Variants in KHDRBS2 observed in about 807,000 individuals in gnomAD.
The protein encoded by KHDRBS2 is KH RNA binding domain containing, signal transduction associated 2, also known as KH domain-containing, RNA-binding, signal transduction-associated protein 2.
A neutral mutation model predicts 44.3 loss-of-function variants in KHDRBS2; 26 were observed. The ratio of observed to expected loss-of-function variants is 0.59; its 90% CI spans 0.43 to 0.81. The LOEUF is 0.81. KHDRBS2 is among the 40% of genes least tolerant of loss of function. The pLI is 0.00. For missense variants in KHDRBS2, 476 were observed against 433.1 expected (o/e 1.10, Z -0.88); for synonymous variants, 194 against 151.1 (o/e 1.28, Z -2.08).
At chr6:62,205,396 C>A (rs1034004295) in intron 1 of KHDRBS2, among the ~76,000 whole-genome samples, 21 of 152,066 alleles carry the variant, frequency 1.4e-4, no homozygotes, top group Admixed American at 1.3e-3. Context: ...CCTTACTCAG[C>A]CACCATATCT....
the KHDRBS2 span, among the ~76,000 whole-genome samples, chr6:61,655,050 C>T: frequency 3.3e-5 from 5 of 151,730 alleles, no homozygotes; most frequent in African/African-American, 9.7e-5. Flanking sequence ...ATCTCCCTCC[C>T]GCTAACTGAG....
intron 2 of KHDRBS2, among the ~76,000 whole-genome samples, chr6:62,146,990 A>G (rs1692447967): frequency 6.6e-6 from 1 of 151,962 alleles, no homozygotes; most frequent in South Asian, 2.1e-4. Context: ...CCATGCCCCC[A>G]GCAGTTATAT....
At chr6:62,198,168 A>G (rs1379060773) in intron 1 of KHDRBS2, among the ~76,000 whole-genome samples, 1 of 152,318 alleles carries the variant, frequency 6.6e-6, no homozygotes, top group South Asian at 2.1e-4. Flanking sequence ...TAACATCACA[A>G]TTAAAAGAAC....
the KHDRBS2 span, among the ~76,000 whole-genome samples, chr6:61,632,954 A>T: frequency 6.6e-5 from 10 of 152,140 alleles, no homozygotes; most frequent in African/African-American, 2.4e-4. Flanking sequence ...TTGAGGTTAA[A>T]AAAAGAACTG....
chr6:62,266,092 GA>G (rs1169868126), intron 1 of KHDRBS2, among the ~76,000 whole-genome samples: 1 of 152,070 alleles, frequency 6.6e-6, no homozygotes, highest in Non-Finnish European at 1.5e-5. Context: ...AGATGGGGCT[GA>G]CAAGCCATCT....
intron 6 of KHDRBS2, among the ~76,000 whole-genome samples, chr6:61,767,797 G>T (rs534368382): frequency 1.1e-4 from 17 of 151,974 alleles, no homozygotes; most frequent in Non-Finnish European, 2.2e-4. Context: ...TACTTTTAAA[G>T]TTTTTATTGT....
intron 7 of KHDRBS2, among the ~76,000 whole-genome samples, chr6:61,706,195 A>G (rs1769518180): frequency 6.6e-6 from 1 of 151,684 alleles, no homozygotes; most frequent in Admixed American, 6.6e-5. Flanking sequence ...CCCTTTCACT[A>G]CGCTTTCTAC....
At chr6:62,137,260 C>G (rs561333711) in intron 2 of KHDRBS2, among the ~76,000 whole-genome samples, 1 of 152,226 alleles carries the variant, frequency 6.6e-6, no homozygotes, top group East Asian at 1.9e-4. Flanking sequence ...CTTGGCCTCC[C>G]AAAGTGCTGG....
At chr6:62,075,090 A>G (rs777814235) in intron 2 of KHDRBS2, among the ~76,000 whole-genome samples, 2 of 151,976 alleles carry the variant, frequency 1.3e-5, no homozygotes, top group Non-Finnish European at 2.9e-5. Context: ...AGAGTAGTTT[A>G]ATGTTTGCTT....
intron 2 of KHDRBS2, among the ~76,000 whole-genome samples, chr6:62,106,805 T>C (rs1271879939): frequency 1.3e-5 from 2 of 152,098 alleles, no homozygotes; most frequent in African/African-American, 2.4e-5. Context: ...AATCAATAAA[T>C]GTAATCCAGC....
intron 6 of KHDRBS2, among the ~76,000 whole-genome samples, chr6:61,805,756 C>T (rs1160535632): frequency 6.6e-6 from 1 of 152,170 alleles, no homozygotes; most frequent in Non-Finnish European, 1.5e-5. Context: ...CACACACTAT[C>T]ATGAGAACAA....
intron 1 of KHDRBS2, among the ~76,000 whole-genome samples, chr6:62,285,445 C>CA (rs1842353103): frequency 6.6e-6 from 1 of 152,056 alleles, no homozygotes; most frequent in African/African-American, 2.4e-5. Flanking sequence ...CTAAATGCAG[C>CA]AAAAAATAAA....
At chr6:61,646,181 C>CA in the KHDRBS2 span, among the ~76,000 whole-genome samples, 3 of 152,156 alleles carry the variant, frequency 2.0e-5, no homozygotes, top group Non-Finnish European at 4.4e-5. Context: ...GGCTCAGCTA[C>CA]AAAACATTAA....
At chr6:62,155,099 G>T (rs1196073130) in intron 2 of KHDRBS2, among the ~76,000 whole-genome samples, 1 of 152,188 alleles carries the variant, frequency 6.6e-6, no homozygotes, top group Non-Finnish European at 1.5e-5. Context: ...CTGGGAGTCT[G>T]GGAGATGGTA....
chr6:62,057,040 A>G (rs1299968653), intron 2 of KHDRBS2, among the ~76,000 whole-genome samples: 2 of 151,994 alleles, frequency 1.3e-5, no homozygotes, highest in African/African-American at 2.4e-5. Flanking sequence ...GAGCCAGTAG[A>G]ATGAAGATGT....
At chr6:61,711,289 T>C (rs1389488514) in intron 7 of KHDRBS2, among the ~76,000 whole-genome samples, 1 of 151,728 alleles carries the variant, frequency 6.6e-6, no homozygotes. Context: ...TATTCTTTTT[T>C]CCTAAAATTT....
chr6:61,911,977 C>A (rs958959119), intron 4 of KHDRBS2, among the ~76,000 whole-genome samples: 1 of 151,780 alleles, frequency 6.6e-6, no homozygotes, highest in East Asian at 1.9e-4. Flanking sequence ...ACAATTATTG[C>A]GCCACTTTTT....
At chr6:61,827,443 C>T (rs536429738) in intron 6 of KHDRBS2, among the ~76,000 whole-genome samples, 1 of 152,270 alleles carries the variant, frequency 6.6e-6, no homozygotes, top group South Asian at 2.1e-4. Flanking sequence ...TAGGAGGAAA[C>T]AATTTTCTAT....
At chr6:61,712,623 G>A (rs1344037023) in intron 7 of KHDRBS2, among the ~76,000 whole-genome samples, 1 of 151,832 alleles carries the variant, frequency 6.6e-6, no homozygotes, top group African/African-American at 2.4e-5. Flanking sequence ...AAGCTATAAA[G>A]TCCTGAACAT....
Sources: gnomAD v4.1 joint callset for allele counts (sites outside exome capture counted in the v4.1 genomes callset) on GRCh38, gnomAD v4.1.1 for gene constraint, MANE v1.5 for transcripts, NCBI Gene and HGNC (gene_info 2026-07-23, HGNC 2026-07-21) for gene names.